TCERG1L: variants seen among roughly 807,000 people sequenced by gnomAD.
The protein encoded by TCERG1L is transcription elongation regulator 1 like.
In TCERG1L, 37 loss-of-function variants were observed where a neutral mutation model predicts 56.3. The ratio of observed to expected loss-of-function variants is 0.66; its 90% confidence interval spans 0.51 to 0.87. The LOEUF (loss-of-function observed/expected upper bound fraction) is 0.87. Among genes scored for constraint, TCERG1L ranks in the 40% least tolerant of loss-of-function variants. TCERG1L has a pLI of 0.00. For synonymous variants in TCERG1L, 324 were observed against 326.3 expected (o/e 0.99, Z 0.08); for missense variants, 799 against 774.2 (o/e 1.03, Z -0.38).
At chr10:131,140,990 T>C (rs985965721) in intron 7 of TCERG1L, among the ~76,000 whole-genome samples, 1 of 152,134 alleles carries the variant, frequency 6.6e-6, no homozygotes, top group Non-Finnish European at 1.5e-5. Context: ...CTAGATTGCA[T>C]CCTGCTTATG....
chr10:131,154,980 G>A (rs546448065), intron 6 of TCERG1L, among the ~76,000 whole-genome samples: 5 of 152,324 alleles, frequency 3.3e-5, no homozygotes, highest in Admixed American at 1.3e-4. Flanking sequence ...AGGTGCTCCA[G>A]GCGCTGGCGG....
At chr10:131,189,314 C>T (rs1358696508) in intron 4 of TCERG1L, among the ~76,000 whole-genome samples, 1 of 152,126 alleles carries the variant, frequency 6.6e-6, no homozygotes, top group African/African-American at 2.4e-5. Context: ...ACATAACTTC[C>T]AATTATCCAT....
Position 131,093,189 on chromosome 10 carries a change from GT to G in TCERG1L, c.1733del (p.Asn578ThrfsTer3). On this transcript the variant is annotated frameshift_variant, in exon 12 of 12. Transcript: ENST00000368642. LOFTEE classifies it high-confidence loss of function. The stretch of plus-strand genomic sequence containing the variant: ...ATCTCATTTTCCGCAGCCTTAGTCT[GT>G]TTTCCTTGTCCCGTTTCTTAAGAAT... Reference protein sequence around the residue: ...ILILKKRDKENRLRLRKMR With the variant: ...ILILKKRDKEXRLRLRKMR 1 of 1,613,806 alleles carries G rather than the reference GT, an allele frequency of 6.2e-7. No homozygotes were observed. The highest frequency in any genetic ancestry group is 8.5e-7 in the Non-Finnish European group (1 of 1,179,828).
At chr10:131,214,736 C>T (rs1845651990) in intron 4 of TCERG1L, among the ~76,000 whole-genome samples, 1 of 152,230 alleles carries the variant, frequency 6.6e-6, no homozygotes, top group South Asian at 2.1e-4. Flanking sequence ...TGGGAACAGG[C>T]CCCTGGAAGG....
intron 9 of TCERG1L, among the ~76,000 whole-genome samples, chr10:131,108,400 AC>A (rs1156624424): frequency 6.6e-6 from 1 of 151,610 alleles, no homozygotes; most frequent in Non-Finnish European, 1.5e-5. Flanking sequence ...TTCACAAGGC[AC>A]CCTCATCTTC....
intron 3 of TCERG1L, among the ~76,000 whole-genome samples, chr10:131,270,952 G>A (rs901721091): frequency 6.6e-6 from 1 of 152,154 alleles, no homozygotes; most frequent in Admixed American, 6.5e-5. Context: ...ACGCATCTGA[G>A]AGGAACAGGG....
At chr10:131,259,654 G>A (rs1447682212) in intron 4 of TCERG1L, among the ~76,000 whole-genome samples, 1 of 152,208 alleles carries the variant, frequency 6.6e-6, no homozygotes, top group Non-Finnish European at 1.5e-5. Context: ...ACACCAGAAT[G>A]GCCACCCTCC....
chr10:131,156,857 C>G (rs753027576), intron 6 of TCERG1L, among the ~76,000 whole-genome samples: 6 of 152,160 alleles, frequency 3.9e-5, no homozygotes, highest in Non-Finnish European at 8.8e-5. Context: ...TTGGGGAGCT[C>G]AGCTCTTGAG....
In TCERG1L at chr10:131,134,446, C is replaced by T. The variant is rs1161549520; in HGVS notation, c.1192G>A (p.Asp398Asn). The change falls in exon 8 of 12, where the codon GAC (aspartate) becomes AAC (asparagine). Residue 398 changes from aspartate (D) to asparagine (N), a missense_variant and splice_region_variant. Asp to Asn is a conservative substitution (Grantham distance 23). Transcript: ENST00000368642. ...TCAGAACTGGACCCATCGCTGTTGT[C>T]AGCTGAAAGAAAATCAGATGAACAG... The part of the protein sequence containing the change: ...HKRKLEAPAT[D>N]NSDGSSSEDN... 1 of 1,589,214 alleles carries T rather than the reference C, an allele frequency of 6.3e-7. No homozygotes were observed. Among genetic ancestry groups the T allele is most frequent in the Non-Finnish European group, 8.6e-7 (1 of 1,166,868 alleles).
intron 6 of TCERG1L, 25 bp from the exon 7 acceptor site, chr10:131,146,685 C>T: frequency 1.9e-6 from 3 of 1,599,186 alleles, no homozygotes; most frequent in Non-Finnish European, 2.6e-6. Flanking sequence ...AAACTCATCT[C>T]AGTCGCTCTC....
intron 4 of TCERG1L, among the ~76,000 whole-genome samples, chr10:131,234,730 C>A (rs1404272387): frequency 9.3e-6 from 1 of 107,024 alleles, no homozygotes. Context: ...GAGACGGAGT[C>A]TTCTTGCTCT....
chr10:131,272,877 C>T (rs1426633904), intron 3 of TCERG1L, among the ~76,000 whole-genome samples: 2 of 152,220 alleles, frequency 1.3e-5, no homozygotes, highest in Non-Finnish European at 2.9e-5. Context: ...CCGGTTTCTG[C>T]ATCTGTGGGG....
Position 131,169,295 on chromosome 10 carries a change from A to G in TCERG1L, c.857-2410T>C, listed in dbSNP as rs568953065. Among the ~76,000 whole-genome samples, 6 of 121,524 alleles carry G rather than the reference A, an allele frequency of 4.9e-5. No individual in the cohort carries two copies. The East Asian group carries it at 2.1e-3, about 43-fold the overall frequency. The allele number at this position is 121,524 out of a possible 152,430, so 79.7% of individuals were successfully genotyped here. ...ATGGGGACACAGCCATGCCCTGGGGAACCCTCATTAAAAAACCCAGGGCTC... is the reference window on the plus strand; with the variant it reads ...ATGGGGACACAGCCATGCCCTGGGGGACCCTCATTAAAAAACCCAGGGCTC... On this transcript the variant is annotated intron_variant, in intron 4 of 11. Transcript: ENST00000368642.
rs1846694922 is a variant in TCERG1L, at chr10:131,296,753, A to G, written c.670+11458T>C. ...ATTGAGCCTTCCAGTCTATCCCTCC[A>G]TTTATTAATGTCTTATTTGATTTCT... On this transcript the variant is annotated intron_variant, in intron 3 of 11. Transcript: ENST00000368642. 2.0e-5 allele frequency among the ~76,000 whole-genome samples: 3 copies of G among 152,318 alleles called. 1 individual carries two copies. Among genetic ancestry groups the G allele is most frequent in the South Asian group, 4.1e-4 (2 of 4,828 alleles).
Position 131,198,533 on chromosome 10 carries a change from C to T in TCERG1L, c.857-31648G>A, listed in dbSNP as rs116490073. 3.3e-3 allele frequency among the ~76,000 whole-genome samples: 507 copies of T among 152,342 alleles called. 6 individuals are homozygous for T. Among genetic ancestry groups the T allele is most frequent in the African/African-American group, 0.012 (484 of 41,590 alleles). ...GAGCAGAAGTGTGTTCCTCACCGTC[C>T]GGAGGCTGGGAAGCCAGGGCAAGGC... On this transcript the variant is annotated intron_variant, in intron 4 of 11. Transcript: ENST00000368642.
At chr10:131,182,055 C>T (rs11017801) in intron 4 of TCERG1L, among the ~76,000 whole-genome samples, 1 of 152,222 alleles carries the variant, frequency 6.6e-6, no homozygotes, top group East Asian at 1.9e-4. Context: ...TGTGTGTGTA[C>T]ACAGCATCTG....
At chr10:131,108,612 C>G (rs958898475) in intron 9 of TCERG1L, among the ~76,000 whole-genome samples, 1 of 152,210 alleles carries the variant, frequency 6.6e-6, no homozygotes, top group Non-Finnish European at 1.5e-5. Flanking sequence ...TAGTTTCTAT[C>G]GCTGCATAAG....
rs1441368900 is a variant in TCERG1L at position 131,193,109 on chromosome 10, T to G, written c.857-26224A>C. 2.6e-5 allele frequency among the ~76,000 whole-genome samples: 4 copies of G among 152,354 alleles called. No individual in the cohort carries two copies. The East Asian group carries it at 7.7e-4, about 29-fold the overall frequency. The stretch of plus-strand genomic sequence containing the variant: ...ACATTTGAATTTCTCTGATGACAAG[T>G]GATGTTAAGTATTTGTCATATGTCT... On this transcript the variant is annotated intron_variant, in intron 4 of 11. Transcript: ENST00000368642.
At chr10:131,133,283 T>G (rs1845638409) in intron 8 of TCERG1L, among the ~76,000 whole-genome samples, 1 of 152,184 alleles carries the variant, frequency 6.6e-6, no homozygotes, top group Admixed American at 6.5e-5. Context: ...TGGCTCTGAG[T>G]CAAGATTTTG....
Sources: allele counts gnomAD v4.1 joint callset (sites outside exome capture counted in the v4.1 genomes callset), GRCh38; gene constraint gnomAD v4.1.1; transcripts MANE v1.5; gene names NCBI Gene and HGNC (gene_info 2026-07-23, HGNC 2026-07-21).